Variants in USP32 observed in about 807,000 individuals in gnomAD.
USP32 encodes the protein ubiquitin carboxyl-terminal hydrolase 32.
A neutral mutation model predicts 204.8 loss-of-function variants in USP32; 59 were observed. The ratio of observed to expected loss-of-function variants is 0.29; its 90% CI spans 0.23 to 0.36. The LOEUF (loss-of-function observed/expected upper bound fraction) is 0.36, where lower values mean the gene tolerates loss of function less well. USP32 is among the 10% of genes least tolerant of loss of function. The pLI is 1.00. For missense variants in USP32, 1,160 were observed against 1,946.4 expected, an observed-to-expected ratio of 0.60 and a Z score of 7.60; for synonymous variants, 517 against 678.4, an observed-to-expected ratio of 0.76 and a Z score of 3.70.
At chr17:60,386,383 A>G (rs1598307358) in intron 1 of USP32, among the ~76,000 whole-genome samples, 1 of 146,680 alleles carries the variant, frequency 6.8e-6, no homozygotes, top group Admixed American at 6.7e-5. Flanking sequence ...AAAAAAAAAA[A>G]TCCCTCCACC....
chr17:60,270,823 C>CAA (rs56653936), intron 6 of USP32, among the ~76,000 whole-genome samples: 1,852 of 63,494 alleles, frequency 0.029, 50 homozygotes, highest in African/African-American at 0.089. Flanking sequence ...AACTCTGCCT[C>CAA]AAAAAAAAAA....
intron 4 of USP32, 98 bp from the exon 5 acceptor site, chr17:60,288,780 T>C: frequency 1.0e-6 from 1 of 968,522 alleles, no homozygotes; most frequent in East Asian, 2.6e-5. Context: ...GGCAATTACC[T>C]TTCTGCTGTC....
chr17:60,389,701 T>A (rs558077561), intron 1 of USP32, among the ~76,000 whole-genome samples: 3 of 151,972 alleles, frequency 2.0e-5, no homozygotes, highest in East Asian at 3.9e-4. Flanking sequence ...TTAATTTTCC[T>A]CTAAAGCAAA....
intron 3 of USP32, among the ~76,000 whole-genome samples, chr17:60,295,147 C>T (rs2087394936): frequency 6.6e-6 from 1 of 151,902 alleles, no homozygotes; most frequent in Admixed American, 6.6e-5. Flanking sequence ...AAGAGACATT[C>T]CAGAAACTCC....
intron 4 of USP32, 76 bp downstream of exon 4, chr17:60,294,607 A>T: frequency 2.3e-6 from 2 of 881,710 alleles, no homozygotes; most frequent in Non-Finnish European, 3.5e-6. Context: ...TGTTTGTCAT[A>T]CTTAAAACTT....
At position 60,178,018 on chromosome 17, in the gene USP32, AT is replaced by A. The variant is rs1257241336; in HGVS notation, c.*1236del. Among the ~76,000 whole-genome samples, 1 of 152,188 alleles carries A rather than the reference AT, an allele frequency of 6.6e-6. No individual in the cohort carries two copies. The highest frequency in any genetic ancestry group is 1.5e-5 in the Non-Finnish European group (1 of 68,038). On this transcript the variant is annotated 3_prime_UTR_variant, in exon 34 of 34. Transcript: ENST00000300896. ...TATTTATACTTTTGTTCCAGTCTTGATTAGAGAAAAAAATGAAGTAAGCAAA... is the reference window on the plus strand; with the variant it reads ...TATTTATACTTTTGTTCCAGTCTTGATAGAGAAAAAAATGAAGTAAGCAAA...
chr17:60,313,378 C>A (rs1184227048), intron 2 of USP32, among the ~76,000 whole-genome samples: 1 of 151,970 alleles, frequency 6.6e-6, no homozygotes, highest in African/African-American at 2.4e-5. Flanking sequence ...AGTGCAGAGT[C>A]CAATAGAACA....
chr17:60,209,618 T>C (rs2084908728), intron 21 of USP32, 75 bp from the exon 22 acceptor site: 5 of 961,396 alleles, frequency 5.2e-6, no homozygotes, highest in Non-Finnish European at 7.5e-6. Context: ...TATAATCCAA[T>C]CAGAGCCATT....
intron 1 of USP32, among the ~76,000 whole-genome samples, chr17:60,374,783 CGAT>C (rs2089508174): frequency 6.6e-6 from 1 of 152,112 alleles, no homozygotes; most frequent in Admixed American, 6.5e-5. Context: ...TAAATGGCTA[CGAT>C]GTCACTAGGC....
At chr17:60,264,881 A>AAAAAAAG (rs1555604168) in intron 9 of USP32, among the ~76,000 whole-genome samples, 5 of 141,656 alleles carry the variant, frequency 3.5e-5, no homozygotes, top group African/African-American at 1.4e-4. Context: ...AAAAAAAAAA[A>AAAAAAAG]AGAGAGAGAG....
At chr17:60,301,166 T>G (rs144929681) in intron 3 of USP32, among the ~76,000 whole-genome samples, 67 of 152,304 alleles carry the variant, frequency 4.4e-4, no homozygotes, top group African/African-American at 1.2e-3. Flanking sequence ...ACAAGTTTTT[T>G]TGTGTGTGTG....
chr17:60,392,387 T>C (rs1398565621), upstream of USP32: 3 of 259,606 alleles, frequency 1.2e-5, no homozygotes, highest in South Asian at 9.1e-5. Flanking sequence ...ACGTAACGCA[T>C]CGTCCCATCT....
intron 26 of USP32, among the ~76,000 whole-genome samples, chr17:60,203,621 G>C (rs1272052782): frequency 5.9e-5 from 9 of 151,910 alleles, no homozygotes; most frequent in Admixed American, 5.9e-4. Flanking sequence ...TTGTCGCCCA[G>C]GCTGGAGTGC....
intron 12 of USP32, among the ~76,000 whole-genome samples, chr17:60,226,497 C>A (rs1278301817): frequency 6.6e-6 from 1 of 151,942 alleles, no homozygotes; most frequent in Admixed American, 6.6e-5. Flanking sequence ...TGTTGGCAGC[C>A]ATTTTTTTAA....
At chr17:60,338,630 T>C (rs538156053) in intron 2 of USP32, among the ~76,000 whole-genome samples, 65 of 152,100 alleles carry the variant, frequency 4.3e-4, no homozygotes, top group African/African-American at 1.5e-3. Context: ...CTTGAGAGGC[T>C]GAGGTGAGAG....
rs1196742613 is a variant in USP32 at position 60,401,160 on chromosome 17, TA to T, written c.106+21085del. ...GACAGAAACAGAGCCAGACCCTGTCTAAAAAAAAAAAAAGACCGGGCGCAAT... is the reference window on the plus strand; with the variant it reads ...GACAGAAACAGAGCCAGACCCTGTCTAAAAAAAAAAAAGACCGGGCGCAAT... On this transcript the variant is annotated intron_variant, in intron 1 of 3. Transcript: ENST00000588898. Among the ~76,000 whole-genome samples, 448 of 127,514 alleles carry T rather than the reference TA, an allele frequency of 3.5e-3. 1 individual carries two copies. The highest frequency in any genetic ancestry group is 4.0e-3 in the Admixed American group (51 of 12,626). 83.7% of individuals were successfully genotyped at this position (127,514 alleles called of 152,430 possible).
intron 1 of USP32, among the ~76,000 whole-genome samples, chr17:60,363,491 C>T (rs552304270): frequency 6.7e-6 from 1 of 148,714 alleles, no homozygotes; most frequent in Admixed American, 6.7e-5. Flanking sequence ...GCACTCCAGC[C>T]TGGGTGACAG....
rs1206806033 is a variant in USP32, at chr17:60,181,280, A to G, written c.4548+44T>C. ...GATGAATACATGAAGACAAGTGAAC[A>G]AAACACAGACCACTCTCTGAAAACC... On this transcript the variant is annotated intron_variant, in intron 32 of 33. Coordinates refer to ENST00000300896, the MANE Select transcript of USP32 (RefSeq NM_032582.4). 4 of 1,567,794 alleles carry G rather than the reference A, an allele frequency of 2.6e-6. No individual in the cohort carries two copies. In the Admixed American group the frequency reaches 5.5e-5, roughly 21 times the overall value.
chr17:60,396,104 G>A (rs931682785), upstream of USP32, among the ~76,000 whole-genome samples: 1 of 133,554 alleles, frequency 7.5e-6, no homozygotes, highest in Non-Finnish European at 1.5e-5. Flanking sequence ...TTGAGACAGG[G>A]TCTTGCTTTG....
Sources: allele counts gnomAD v4.1 joint callset (sites outside exome capture counted in the v4.1 genomes callset), GRCh38; gene constraint gnomAD v4.1.1; transcripts MANE v1.5; gene names NCBI Gene and HGNC (gene_info 2026-07-23, HGNC 2026-07-21).